The following KDM4C variants were observed in gnomAD, a reference collection of about 807,000 sequenced individuals.
KDM4C encodes the protein lysine-specific demethylase 4C.
A neutral mutation model predicts 129.3 loss-of-function variants in KDM4C; 81 were observed. The ratio of observed to expected loss-of-function variants is 0.63; its 90% CI spans 0.52 to 0.75. The LOEUF is 0.75. KDM4C is among the 30% of genes least tolerant of loss of function. The pLI is 0.00. For missense variants in KDM4C, 1,457 were observed against 1,304.0 expected, an observed-to-expected ratio of 1.12 and a Z score of -1.81; for synonymous variants, 573 against 456.1, an observed-to-expected ratio of 1.26 and a Z score of -3.26.
At chr9:6,788,343 C>T (rs900882493) in intron 1 of KDM4C, among the ~76,000 whole-genome samples, 1 of 152,088 alleles carries the variant, frequency 6.6e-6, no homozygotes, top group African/African-American at 2.4e-5. Context: ...TGGCTTTTTC[C>T]TCTGCCTAGG....
chr9:6,974,134 C>G (rs1832522437), intron 8 of KDM4C, among the ~76,000 whole-genome samples: 1 of 152,158 alleles, frequency 6.6e-6, no homozygotes, highest in African/African-American at 2.4e-5. Context: ...TTTTGTGCCT[C>G]AGTTTCTTAT....
chr9:7,052,910 T>TTGTTGTACAGTGGTGTGCTTTA (rs1554718570), intron 17 of KDM4C, among the ~76,000 whole-genome samples: 2 of 126,716 alleles, frequency 1.6e-5, no homozygotes, highest in African/African-American at 5.5e-5. Flanking sequence ...AGCGAGCGAG[T>TTGTTGTACAGTGGTGTGCTTTA]GCCCAAGGGA....
chr9:6,866,260 A>G (rs908503717), intron 5 of KDM4C, among the ~76,000 whole-genome samples: 1 of 151,804 alleles, frequency 6.6e-6, no homozygotes, highest in African/African-American at 2.4e-5. Flanking sequence ...TTTACCAAGG[A>G]TATTCTTGAC....
At chr9:6,960,868 C>T (rs1156611378) in intron 8 of KDM4C, among the ~76,000 whole-genome samples, 1 of 66,734 alleles carries the variant, frequency 1.5e-5, no homozygotes, top group Non-Finnish European at 2.8e-5. Flanking sequence ...GCAAAAATCA[C>T]CTCAGTTGAG....
intron 10 of KDM4C, among the ~76,000 whole-genome samples, chr9:6,985,013 G>C (rs887528783): frequency 3.3e-5 from 5 of 152,126 alleles, no homozygotes; most frequent in African/African-American, 9.7e-5. Context: ...GCTAATTCCT[G>C]TGTTCCTCTC....
At chr9:7,094,382 A>G (rs1020937550) in intron 17 of KDM4C, among the ~76,000 whole-genome samples, 1 of 152,098 alleles carries the variant, frequency 6.6e-6, no homozygotes, top group African/African-American at 2.4e-5. Context: ...GTTTTAGGGT[A>G]CATGTGCACA....
chr9:6,954,694 A>C (rs1029667331), intron 8 of KDM4C, among the ~76,000 whole-genome samples: 3 of 152,232 alleles, frequency 2.0e-5, no homozygotes, highest in African/African-American at 4.8e-5. Context: ...ATGATTTAGC[A>C]TTCTATGTAA....
intron 8 of KDM4C, among the ~76,000 whole-genome samples, chr9:6,912,130 G>C (rs1819427420): frequency 6.6e-6 from 1 of 152,148 alleles, no homozygotes; most frequent in African/African-American, 2.4e-5. Flanking sequence ...CCAGGGAGGG[G>C]CCTTCATGGT....
chr9:7,072,178 A>G (rs1049282357), intron 17 of KDM4C, among the ~76,000 whole-genome samples: 25 of 152,298 alleles, frequency 1.6e-4, no homozygotes, highest in Non-Finnish European at 2.4e-4. Context: ...ACGTTTAGCA[A>G]CTGGAATGCT....
intron 18 of KDM4C, among the ~76,000 whole-genome samples, chr9:7,122,263 A>ACTCTCTCTCT (rs1410461925): frequency 0.049 from 7,030 of 144,710 alleles, 202 homozygotes; most frequent in Non-Finnish European, 0.074. Context: ...ACACACACAC[A>ACTCTCTCTCT]CACTCTCTCT....
intron 1 of KDM4C, among the ~76,000 whole-genome samples, chr9:6,773,623 T>C (rs983623231): frequency 1.3e-5 from 2 of 152,000 alleles, no homozygotes; most frequent in African/African-American, 4.8e-5. Flanking sequence ...ATACAAAAAT[T>C]AGCTGGGTGT....
At chr9:6,754,340 G>A (rs1818172929), upstream of KDM4C, among the ~76,000 whole-genome samples, 1 of 151,142 alleles carries the variant, frequency 6.6e-6, no homozygotes, top group African/African-American at 2.4e-5. Context: ...AGCCTCCCGA[G>A]TAGCTGGGAT....
chr9:6,720,957 C>T (rs1249175028), exon 1 of KDM4C: 3 of 1,551,488 alleles, frequency 1.9e-6, no homozygotes, highest in East Asian at 4.9e-5. Flanking sequence ...TGATGAAGCA[C>T]TATGGGCTGC....
intron 12 of KDM4C, among the ~76,000 whole-genome samples, chr9:6,992,092 G>A (rs1227067242): frequency 6.6e-6 from 1 of 151,580 alleles, no homozygotes; most frequent in Admixed American, 6.6e-5. Context: ...TGACAATTCT[G>A]TGTAAAGTAA....
chr9:6,736,191 G>A (rs1563917790), intron 1 of KDM4C, among the ~76,000 whole-genome samples: 1 of 152,148 alleles, frequency 6.6e-6, no homozygotes, highest in Non-Finnish European at 1.5e-5. Flanking sequence ...GGTTTATAAA[G>A]GAAGCAGAGC....
At chr9:6,775,765 G>A (rs1346592283) in intron 1 of KDM4C, among the ~76,000 whole-genome samples, 7 of 152,042 alleles carry the variant, frequency 4.6e-5, no homozygotes, top group African/African-American at 9.7e-5. Flanking sequence ...CAGGTGATCC[G>A]CCTGCCTCGG....
At chr9:6,842,096 T>C (rs1379007164) in intron 4 of KDM4C, among the ~76,000 whole-genome samples, 6 of 152,174 alleles carry the variant, frequency 3.9e-5, no homozygotes, top group African/African-American at 1.4e-4. Context: ...CTGGACACAT[T>C]TATGGAGTAA....
intron 4 of KDM4C, among the ~76,000 whole-genome samples, chr9:6,844,910 A>G (rs757437264): frequency 6.6e-6 from 1 of 151,620 alleles, no homozygotes; most frequent in Non-Finnish European, 1.5e-5. Flanking sequence ...CTGGTCTTGA[A>G]CTCCTGACCT....
chr9:6,906,968 G>C (rs1054374610), intron 8 of KDM4C, among the ~76,000 whole-genome samples: 1 of 152,156 alleles, frequency 6.6e-6, no homozygotes, highest in Admixed American at 6.5e-5. Context: ...TTTATGATAT[G>C]GATCAAGGAT....
Sources: allele counts gnomAD v4.1 joint callset (sites outside exome capture counted in the v4.1 genomes callset), GRCh38; gene constraint gnomAD v4.1.1; transcripts MANE v1.5; gene names NCBI Gene and HGNC (gene_info 2026-07-23, HGNC 2026-07-21).